RUVBL1: variants seen among roughly 807,000 people sequenced by gnomAD.
RUVBL1 encodes the protein RuvB like AAA ATPase 1, also known as ruvB-like 1.
RUVBL1 carries 4 observed loss-of-function variants against 52.4 expected under a neutral mutation model. The observed-to-expected ratio is 0.08, with a 90% CI of 0.04 to 0.17. The LOEUF (loss-of-function observed/expected upper bound fraction) is 0.17. Among genes scored for constraint, RUVBL1 ranks in the 10% least tolerant of loss-of-function variants. The pLI is 1.00. For missense variants in RUVBL1, 298 were observed against 572.8 expected, an observed-to-expected ratio of 0.52 and a Z score of 4.90; for synonymous variants, 217 against 214.4, an observed-to-expected ratio of 1.01 and a Z score of -0.10.
chr3:128,147,833 A>G (rs1036469024), intron 1 of RUVBL1, among the ~76,000 whole-genome samples: 1 of 152,232 alleles, frequency 6.6e-6, no homozygotes, highest in African/African-American at 2.4e-5. Context: ...CAAAACCTGG[A>G]AACAACCCAA....
upstream of RUVBL1, among the ~76,000 whole-genome samples, chr3:128,127,245 G>A (rs1215225186): frequency 6.6e-6 from 1 of 152,144 alleles, no homozygotes; most frequent in African/African-American, 2.4e-5. Context: ...TTACTTTGGG[G>A]CTTAAGATGT....
chr3:128,069,793 C>T (rs1244836595), intron 9 of RUVBL1: 5 of 830,482 alleles, frequency 6.0e-6, no homozygotes, highest in South Asian at 3.4e-5. Flanking sequence ...TTTCATTCCA[C>T]TGTGTAAAGT....
At chr3:128,086,454 G>T (rs570228188) in intron 9 of RUVBL1, among the ~76,000 whole-genome samples, 21 of 152,338 alleles carry the variant, frequency 1.4e-4, no homozygotes, top group Middle Eastern at 3.4e-3. Flanking sequence ...CAGGCAAAGC[G>T]CATCGAGACG....
chr3:128,128,019 CATA>C (rs1943819471), upstream of RUVBL1, among the ~76,000 whole-genome samples: 1 of 150,660 alleles, frequency 6.6e-6, no homozygotes, highest in Non-Finnish European at 1.5e-5. Context: ...TACATACATA[CATA>C]CATACATACA....
intron 8 of RUVBL1, among the ~76,000 whole-genome samples, chr3:128,091,744 C>CA (rs1942846605): frequency 6.6e-6 from 1 of 152,190 alleles, no homozygotes; most frequent in Admixed American, 6.5e-5. Flanking sequence ...CTGTCCTATG[C>CA]ACTCCAGGAT....
intron 8 of RUVBL1, among the ~76,000 whole-genome samples, chr3:128,092,045 G>A (rs1223064175): frequency 2.0e-5 from 3 of 152,208 alleles, no homozygotes; most frequent in Non-Finnish European, 2.9e-5. Context: ...CAGTAAGAGT[G>A]CTAAAAAGAC....
chr3:128,145,866 T>C (rs868137378), intron 1 of RUVBL1, among the ~76,000 whole-genome samples: 3 of 152,232 alleles, frequency 2.0e-5, no homozygotes, highest in African/African-American at 7.2e-5. Flanking sequence ...AAAATGTCTT[T>C]CTGTCTTCCC....
At chr3:128,105,912 C>G (rs1436376716) in intron 3 of RUVBL1, among the ~76,000 whole-genome samples, 1 of 138,166 alleles carries the variant, frequency 7.2e-6, no homozygotes. Flanking sequence ...TTCTGTCACC[C>G]AGGCTGGAAT....
rs115897073 is a variant in RUVBL1 at position 128,153,780 on chromosome 3, C to G, written c.-617G>C. The G allele has an allele frequency of 5.9e-4, 897 of 1,531,158 alleles. 6 individuals carry two copies. The African/African-American group carries it at 0.011, about 19-fold the overall frequency. The allele number at this position is 1,531,158 out of a possible 1,614,324, so 94.8% of individuals were successfully genotyped here. ...AGCCACTGCTTCAGGTCACGCTGGT[C>G]GACTGCCCCGGGCACGCCTCCCTCA... On this transcript the variant is annotated 5_prime_UTR_variant, in exon 1 of 10. Transcript: ENST00000464873.
intron 1 of RUVBL1, among the ~76,000 whole-genome samples, chr3:128,143,031 T>C (rs1944050826): frequency 6.6e-6 from 1 of 151,626 alleles, no homozygotes; most frequent in Non-Finnish European, 1.5e-5. Flanking sequence ...TCCACCCACC[T>C]CAGCCTCCCA....
At chr3:128,133,027 A>G (rs1325372870) in intron 1 of RUVBL1, among the ~76,000 whole-genome samples, 1 of 151,992 alleles carries the variant, frequency 6.6e-6, no homozygotes, top group East Asian at 1.9e-4. Context: ...GAAGGGAGAG[A>G]CCCAGGCCCA....
chr3:128,093,701 C>T (rs1477712157), intron 8 of RUVBL1, among the ~76,000 whole-genome samples: 1 of 152,168 alleles, frequency 6.6e-6, no homozygotes, highest in Non-Finnish European at 1.5e-5. Flanking sequence ...TCTCATCTAA[C>T]AGTTCAGGAT....
intron 9 of RUVBL1, among the ~76,000 whole-genome samples, chr3:128,085,895 A>C (rs1258335676): frequency 6.6e-6 from 1 of 152,254 alleles, no homozygotes; most frequent in African/African-American, 2.4e-5. Flanking sequence ...ACGGTGATTA[A>C]GAACACGGGT....
Position 128,089,354 on chromosome 3 carries a change from G to A in RUVBL1, c.1017-1546C>T, listed in dbSNP as rs181709296. Among the ~76,000 whole-genome samples, 448 of 152,298 alleles carry A rather than the reference G, an allele frequency of 2.9e-3. 2 individuals are homozygous for A. The highest frequency in any genetic ancestry group is 0.01 in the African/African-American group (428 of 41,572). Reference sequence around the variant, plus strand: ...GTGTTTGGAGGGCCCAAGTGCTGTAGGCTTCTGCCTTGGCCTCTGGGGGTC... The same window carrying A: ...GTGTTTGGAGGGCCCAAGTGCTGTAAGCTTCTGCCTTGGCCTCTGGGGGTC... On this transcript the variant is annotated intron_variant, in intron 8 of 10. Transcript: ENST00000322623.
At chr3:128,148,687 C>G (rs1944139975) in intron 1 of RUVBL1, among the ~76,000 whole-genome samples, 1 of 152,198 alleles carries the variant, frequency 6.6e-6, no homozygotes, top group African/African-American at 2.4e-5. Flanking sequence ...CTTGTGTCTG[C>G]TGTTATCCAT....
At chr3:128,153,335 G>A (rs928178234) in exon 1 of RUVBL1, 3 of 1,371,632 alleles carry the variant, frequency 2.2e-6, no homozygotes, top group Non-Finnish European at 2.8e-6. Context: ...CCACCCACTC[G>A]GAGCACGGCG....
At chr3:128,098,697 G>A (rs1252427725) in intron 7 of RUVBL1, among the ~76,000 whole-genome samples, 185 bp downstream of exon 7, 2 of 152,232 alleles carry the variant, frequency 1.3e-5, no homozygotes, top group African/African-American at 2.4e-5. Flanking sequence ...AGCACACAGT[G>A]TGCTATATGG....
intron 5 of RUVBL1, among the ~76,000 whole-genome samples, chr3:128,101,235 G>A (rs1424725959): frequency 6.6e-6 from 1 of 152,198 alleles, no homozygotes; most frequent in African/African-American, 2.4e-5. Context: ...ATAAAAGGAA[G>A]ATTAAATACA....
At chr3:128,084,362 C>T (rs1030782799) in intron 9 of RUVBL1, 4 of 152,206 alleles carry the variant, frequency 2.6e-5, no homozygotes, top group Non-Finnish European at 5.9e-5. Flanking sequence ...ACAGAACTCC[C>T]CCCTGAACAC....
Sources: allele counts gnomAD v4.1 joint callset (sites outside exome capture counted in the v4.1 genomes callset), GRCh38; gene constraint gnomAD v4.1.1; transcripts MANE v1.5; gene names NCBI Gene and HGNC (gene_info 2026-07-23, HGNC 2026-07-21).